ADGRB3: variants seen among roughly 807,000 people sequenced by gnomAD.
ADGRB3 encodes adhesion G protein-coupled receptor B3.
ADGRB3 carries 37 observed loss-of-function variants against 193.4 expected under a neutral mutation model. That is an observed-to-expected ratio of 0.19 (90% confidence interval 0.15 to 0.25). The LOEUF (loss-of-function observed/expected upper bound fraction) is 0.25. Among genes scored for constraint, ADGRB3 ranks in the 10% least tolerant of loss-of-function variants. ADGRB3 has a pLI of 1.00. For synonymous variants in ADGRB3, 690 were observed against 644.2 expected (o/e 1.07, Z -1.08); for missense variants, 1,637 against 1,852.9 (o/e 0.88, Z 2.14).
At chr6:69,269,150 A>T (rs1353089476) in intron 20 of ADGRB3, among the ~76,000 whole-genome samples, 1 of 152,110 alleles carries the variant, frequency 6.6e-6, no homozygotes. Context: ...AAACCTACAA[A>T]TGTTAAATAT....
intron 20 of ADGRB3, among the ~76,000 whole-genome samples, chr6:69,297,392 A>ATCTCTC (rs375206329): frequency 5.3e-5 from 6 of 113,302 alleles, no homozygotes; most frequent in South Asian, 3.1e-4. Flanking sequence ...CTCTCTCTCT[A>ATCTCTC]TCTCTCTCTC....
Position 69,145,723 on chromosome 6 carries a change from G to T in ADGRB3, c.2480+69685G>T, listed in dbSNP as rs150041593. Reference sequence around the variant, plus strand: ...GTGGGTAGCTCCTCTCTGCTGACAGGGTATCACTGGGATACCCTGGCTGCA... The same window carrying T: ...GTGGGTAGCTCCTCTCTGCTGACAGTGTATCACTGGGATACCCTGGCTGCA... On this transcript the variant is annotated intron_variant, in intron 17 of 31. Transcript: ENST00000370598. Among the ~76,000 whole-genome samples, 400 of 143,078 alleles carry T rather than the reference G, an allele frequency of 2.8e-3. 1 individual carries two copies. The highest frequency in any genetic ancestry group is 0.01 in the African/African-American group (393 of 38,848). The allele number at this position is 143,078 out of a possible 152,430, so 93.9% of individuals were successfully genotyped here.
intron 13 of ADGRB3, among the ~76,000 whole-genome samples, chr6:69,032,511 T>C (rs1770742741): frequency 6.6e-6 from 1 of 152,198 alleles, no homozygotes; most frequent in East Asian, 1.9e-4. Context: ...TCTATGGAAA[T>C]AGTGGTCTGC....
At position 69,231,302 on chromosome 6, in the gene ADGRB3, C is replaced by G. The variant is rs1191141427; in HGVS notation, c.2481-1988C>G. On this transcript the variant is annotated intron_variant, in intron 17 of 31. Transcript: ENST00000370598. ...CATGGATATAAGTATATAACTTTGT[C>G]TCATAAGAGACTTTATTTACATAAA... 3.9e-5 allele frequency among the ~76,000 whole-genome samples: 6 copies of G among 152,084 alleles called. No individual in the cohort carries two copies. In the South Asian group the frequency reaches 1.2e-3, roughly 32 times the overall value.
At chr6:68,640,276 G>A (rs1181134420) in intron 3 of ADGRB3, among the ~76,000 whole-genome samples, 1 of 152,202 alleles carries the variant, frequency 6.6e-6, no homozygotes, top group Non-Finnish European at 1.5e-5. Context: ...CTGGGGGAAA[G>A]GAGGGGGAGG....
chr6:69,096,363 G>GTTT (rs70987448), intron 17 of ADGRB3, among the ~76,000 whole-genome samples: 3,914 of 132,542 alleles, frequency 0.03, 86 homozygotes, highest in East Asian at 0.084. Flanking sequence ...ATTGTTTTGG[G>GTTT]TTTTTTTTTT....
intron 3 of ADGRB3, among the ~76,000 whole-genome samples, chr6:68,923,492 T>C (rs1767101590): frequency 6.6e-6 from 1 of 152,114 alleles, no homozygotes; most frequent in Non-Finnish European, 1.5e-5. Context: ...ATCTTTAACC[T>C]TCAATTGTAG....
At position 68,900,963 on chromosome 6, in the gene ADGRB3, A is replaced by G. The variant is rs549614673; in HGVS notation, c.758-29596A>G. ...ATAATAACTTCTAACCAAAAAATTC[A>G]TTTCCCAGGAAATAAAACATGCTAA... On this transcript the variant is annotated intron_variant, in intron 3 of 31. Coordinates refer to ENST00000370598, the MANE Select transcript of ADGRB3 (RefSeq NM_001704.3). Among the ~76,000 whole-genome samples, 28 of 152,284 alleles carry G rather than the reference A, an allele frequency of 1.8e-4. No individual in the cohort carries two copies. The South Asian group carries it at 5.8e-3, about 32-fold the overall frequency.
At chr6:69,226,660 C>T (rs1302712153) in intron 17 of ADGRB3, among the ~76,000 whole-genome samples, 2 of 152,204 alleles carry the variant, frequency 1.3e-5, no homozygotes, top group Non-Finnish European at 2.9e-5. Flanking sequence ...AAAACAACAA[C>T]CATTATTATT....
chr6:68,657,901 T>C (rs2127285195), intron 3 of ADGRB3, among the ~76,000 whole-genome samples: 2 of 151,466 alleles, frequency 1.3e-5, no homozygotes, highest in Admixed American at 1.3e-4. Context: ...TATAAACTTT[T>C]CTGTTAACCT....
intron 3 of ADGRB3, among the ~76,000 whole-genome samples, chr6:68,673,080 ATCTG>A (rs1162659268): frequency 6.6e-6 from 1 of 151,916 alleles, no homozygotes; most frequent in African/African-American, 2.4e-5. Context: ...GTTTGTTTGC[ATCTG>A]TCTGTGTGTA....
At position 68,997,510 on chromosome 6, in the gene ADGRB3, G is replaced by T. The variant is rs1970262; in HGVS notation, c.1929+3548G>T. 5.6e-3 allele frequency among the ~76,000 whole-genome samples: 619 copies of T among 110,780 alleles called. 14 individuals carry two copies. In the East Asian group the frequency reaches 0.065, roughly 12 times the overall value. 72.7% of individuals were successfully genotyped at this position (110,780 alleles called of 152,430 possible). A position where few individuals can be genotyped will look rare whatever the true frequency, so the allele number is the denominator to read the frequency against. Reference sequence around the variant, plus strand: ...ATACAAAAAAAAAAAAAAAAAAAAAGCAGTGCATGGTAGTGCATGCCTGTA... The same window carrying T: ...ATACAAAAAAAAAAAAAAAAAAAAATCAGTGCATGGTAGTGCATGCCTGTA... On this transcript the variant is annotated intron_variant, in intron 11 of 31. Transcript: ENST00000370598.
rs149629533 is a variant in ADGRB3, at chr6:68,705,979, G to A, written c.757+66547G>A. On this transcript the variant is annotated intron_variant, in intron 3 of 31. Coordinates refer to ENST00000370598, the MANE Select transcript of ADGRB3 (RefSeq NM_001704.3). Reference sequence around the variant, plus strand: ...GATCAGATATCATCTAAAGGATGATGGTGGATGAGGAAGTTGATCAAATAT... The same window carrying A: ...GATCAGATATCATCTAAAGGATGATAGTGGATGAGGAAGTTGATCAAATAT... Among the ~76,000 whole-genome samples the A allele has an allele frequency of 2.0e-5, 3 of 152,234 alleles. No homozygotes were observed. The East Asian group carries it at 5.8e-4, about 30-fold the overall frequency.
chr6:69,112,817 G>C (rs1452485024), intron 17 of ADGRB3, among the ~76,000 whole-genome samples: 2 of 151,906 alleles, frequency 1.3e-5, no homozygotes, highest in African/African-American at 4.8e-5. Context: ...GAGTGCAGTG[G>C]CACAATCTTG....
In ADGRB3 at chr6:69,338,978, C is replaced by T; in HGVS notation, c.3251C>T (p.Thr1084Ile). ...TGTGCCAAGTGTGGAGTAGTTTCAA[C>T]AACAGCTTTGTCAGCCACCACCGCC... is the stretch of plus-strand genomic sequence containing the variant. ...LKCAKCGVVS[T>I]TALSATTASN... is the part of the protein sequence containing the mutation. Residue 1084 changes from threonine (T) to isoleucine (I), a missense_variant, in exon 25 of 32, where the codon ACA (threonine) becomes ATA (isoleucine). Thr to Ile is a moderately conservative substitution (Grantham distance 89, BLOSUM62 -1). Coordinates refer to ENST00000370598, the MANE Select transcript of ADGRB3 (RefSeq NM_001704.3). 2 of 1,613,804 alleles carry T rather than the reference C, an allele frequency of 1.2e-6. No homozygotes were observed. The highest frequency in any genetic ancestry group is 1.7e-6 in the Non-Finnish European group (2 of 1,179,864).
intron 20 of ADGRB3, among the ~76,000 whole-genome samples, chr6:69,298,190 A>G (rs1767870735): frequency 6.6e-6 from 1 of 152,188 alleles, no homozygotes; most frequent in African/African-American, 2.4e-5. Flanking sequence ...CTGCAGAAAC[A>G]AAAAGTGAAT....
At chr6:68,713,977 A>G (rs1054203998) in intron 3 of ADGRB3, among the ~76,000 whole-genome samples, 2 of 151,720 alleles carry the variant, frequency 1.3e-5, no homozygotes, top group Admixed American at 1.3e-4. Context: ...TTAAAATTAT[A>G]TATGGCATTT....
At chr6:69,254,404 C>T (rs779452) in intron 20 of ADGRB3, among the ~76,000 whole-genome samples, 67,234 of 151,788 alleles carry the variant, frequency 0.44, 15,884 homozygotes, top group African/African-American at 0.56. Flanking sequence ...ATGCCTATTA[C>T]TTTTTTTTCC....
chr6:68,908,709 T>A (rs1041916463), intron 3 of ADGRB3, among the ~76,000 whole-genome samples: 4 of 152,308 alleles, frequency 2.6e-5, no homozygotes, highest in African/African-American at 9.6e-5. Flanking sequence ...ACAAAGCCCT[T>A]GTTGTGACTT....
Sources: gnomAD v4.1 joint callset for allele counts (sites outside exome capture counted in the v4.1 genomes callset) on GRCh38, gnomAD v4.1.1 for gene constraint, MANE v1.5 for transcripts, NCBI Gene and HGNC (gene_info 2026-07-23, HGNC 2026-07-21) for gene names.